MCM3: variants seen among roughly 807,000 people sequenced by gnomAD.
MCM3 encodes minichromosome maintenance complex component 3.
A neutral mutation model predicts 91.3 loss-of-function variants in MCM3; 59 were observed. The ratio of observed to expected loss-of-function variants is 0.65; its 90% CI spans 0.52 to 0.80. MCM3 has a LOEUF of 0.80. Ranked by LOEUF, MCM3 falls within the 30% of genes least tolerant of loss-of-function variation. MCM3 has a pLI of 0.00. For synonymous variants in MCM3, 383 were observed against 379.6 expected (o/e 1.01, Z -0.10); for missense variants, 919 against 1,035.4 (o/e 0.89, Z 1.54).
chr6:52,266,866 T>C (rs541110008), intron 14 of MCM3, among the ~76,000 whole-genome samples, 170 bp from the exon 15 acceptor site: 2 of 152,190 alleles, frequency 1.3e-5, no homozygotes, highest in East Asian at 3.9e-4. Context: ...CGAGACCAAG[T>C]CCCCAGACTA....
chr6:52,277,209 G>C lies in MCM3; in HGVS notation c.1034-11C>G. ...CAACGGATGGGTCTCCTGTAGGGTG[G>C]GGGCAGTGATGACTCTCTAGGAAAC... On this transcript the variant is annotated splice_polypyrimidine_tract_variant and intron_variant, in intron 7 of 16. Coordinates refer to ENST00000596288, the MANE Select transcript of MCM3 (RefSeq NM_002388.6). 1 of 1,609,862 alleles carries C rather than the reference G, an allele frequency of 6.2e-7. No individual in the cohort carries two copies.
At chr6:52,280,113 T>C (rs1403421558) in intron 4 of MCM3, among the ~76,000 whole-genome samples, 1 of 152,116 alleles carries the variant, frequency 6.6e-6, no homozygotes, top group Non-Finnish European at 1.5e-5. Context: ...ATGTTGAGCA[T>C]AAAAAGCCCA....
Position 52,276,393 on chromosome 6 carries a change from T to C in MCM3, c.1249A>G (p.Met417Val), listed in dbSNP as rs976415093. Residue 417 changes from methionine (M) to valine (V), a missense_variant, in exon 9 of 17, where the codon ATG (methionine) becomes GTG (valine). By Grantham distance (21) the Met-to-Val change is conservative (BLOSUM62 1). Around this residue, in one of 3 missense-constraint regions of MCM3, gnomAD observed 233 missense variants for 321.2 expected, o/e 0.73. Transcript: ENST00000596288. The part of the protein sequence containing the change: ...CIDEFDKMSD[M>V]DRTAIHEVME... ...ACTTCATGGATGGCTGTGCGATCCA[T>C]GTCAGACATTTTGTCAAATTCATCA... is the stretch of plus-strand genomic sequence containing the variant. The C allele has an allele frequency of 1.9e-6, 3 of 1,614,202 alleles. No individual in the cohort carries two copies. Among genetic ancestry groups the C allele is most frequent in the South Asian group, 1.1e-5 (1 of 91,068 alleles).
At chr6:52,269,890 G>T (rs1273137205) in intron 12 of MCM3, among the ~76,000 whole-genome samples, 2 of 152,196 alleles carry the variant, frequency 1.3e-5, no homozygotes, top group Non-Finnish European at 2.9e-5. Context: ...AAATCTCAGT[G>T]TTTAGGACTA....
In MCM3 at chr6:52,266,046, G is replaced by A. The variant is rs17246605; in HGVS notation, c.2228+29C>T. On this transcript the variant is annotated intron_variant, in intron 16 of 16. Transcript: ENST00000596288. ...TTCCTCAGCGATACACAGAATTCTT[G>A]AAGGGGCAGGAGCAACATCCGTACT... 4,623 of 1,603,910 alleles carry A rather than the reference G, an allele frequency of 2.9e-3. 114 individuals are homozygous for A. The African/African-American group carries it at 0.055, about 19-fold the overall frequency.
At position 52,267,885 on chromosome 6, in the gene MCM3, G is replaced by A. The variant is rs747222625; in HGVS notation, c.2052C>T (p.Asp684=). Residue 684 remains aspartate (D), a synonymous_variant, in exon 14 of 17, where the codon GAC becomes GAT. Coordinates refer to ENST00000596288, the MANE Select transcript of MCM3 (RefSeq NM_002388.6). The part of the protein sequence containing the change: ...TEDEEEKSQE[D]QEQKRKRRKT... ...CTTACCTCTTCCTCTTCTGCTCCTG[G>A]TCCTCTTGGCTTTTCTCCTCTTCAT... The A allele has an allele frequency of 1.6e-6, 2 of 1,245,678 alleles. No homozygotes were observed. The highest frequency in any genetic ancestry group is 1.5e-5 in the African/African-American group (1 of 67,300). The allele number at this position is 1,245,678 out of a possible 1,614,324, so 77.2% of individuals were successfully genotyped here. A position where few individuals can be genotyped will look rare whatever the true frequency, so the allele number is the denominator to read the frequency against.
chr6:52,273,198 T>C (rs972035429), intron 11 of MCM3, 32 bp downstream of exon 11: 1 of 1,613,656 alleles, frequency 6.2e-7, no homozygotes, highest in African/African-American at 1.3e-5. Flanking sequence ...ATATTTCAGG[T>C]TCCCTTGAGG....
At chr6:52,267,805 C>T (rs1764763738) in intron 14 of MCM3, 60 bp downstream of exon 14, 16 of 738,320 alleles carry the variant, frequency 2.2e-5, no homozygotes, top group Middle Eastern at 2.3e-4. Flanking sequence ...AGATTACAGG[C>T]GTGCACCCCC....
intron 14 of MCM3, 73 bp downstream of exon 14, chr6:52,267,792 C>T: frequency 2.8e-6 from 2 of 725,822 alleles, no homozygotes; most frequent in Non-Finnish European, 5.1e-6. Context: ...TCCCAAATTG[C>T]TAAGATTACA....
At chr6:52,278,576 GAACA>G (rs1765788834) in intron 6 of MCM3, among the ~76,000 whole-genome samples, 162 bp downstream of exon 6, 1 of 152,100 alleles carries the variant, frequency 6.6e-6, no homozygotes, top group Admixed American at 6.5e-5. Context: ...AATTACTAAA[GAACA>G]AACAGCAAAA....
intron 4 of MCM3, among the ~76,000 whole-genome samples, chr6:52,281,536 C>A (rs1019969116): frequency 3.3e-5 from 5 of 151,904 alleles, no homozygotes; most frequent in Non-Finnish European, 7.4e-5. Flanking sequence ...AAAAAATTAG[C>A]GGACCTGGTG....
In MCM3 at chr6:52,264,591, G is replaced by A; in HGVS notation, c.2424C>T (p.Ile808=). The change falls in exon 17 of 17, where the codon ATC becomes ATT. Residue 808 remains isoleucine, a synonymous_variant. Transcript: ENST00000596288. The stretch of plus-strand genomic sequence containing the variant: ...CAAGTTCAGAGACGAGGCCTCCTCA[G>A]ATGAGGAAGATGATGCCCTCAGACA... ...VMVSEGIIFL[I] is the part of the protein sequence containing the mutation. 2 of 1,613,842 alleles carry A rather than the reference G, an allele frequency of 1.2e-6. No individual in the cohort carries two copies. Among genetic ancestry groups the A allele is most frequent in the African/African-American group, 1.3e-5 (1 of 75,046 alleles).
At position 52,266,623 on chromosome 6, in the gene MCM3, C is replaced by CCT; in HGVS notation, c.2144_2145dup (p.Glu716ArgfsTer25). ...TGGGCTCACTCACCTTGAGGCATTT[C>CCT]CTCCTCTGTGTCACTGAAGTCATAG... On this transcript the variant is annotated frameshift_variant, in exon 15 of 17. Coordinates refer to ENST00000596288, the MANE Select transcript of MCM3 (RefSeq NM_002388.6). LOFTEE classifies it high-confidence loss of function. The CCT allele has an allele frequency of 1.2e-6, 2 of 1,614,070 alleles. No homozygotes were observed. Among genetic ancestry groups the CCT allele is most frequent in the Non-Finnish European group, 1.7e-6 (2 of 1,179,958 alleles).
intron 11 of MCM3, 97 bp downstream of exon 11, chr6:52,273,133 C>A: frequency 6.9e-7 from 1 of 1,446,902 alleles, no homozygotes. Context: ...TGGCTTTGAC[C>A]TGGGCATATA....
rs1050929272 is a variant in MCM3 at position 52,282,270 on chromosome 6, CTG to C, written c.401-97_401-96del. The C allele has an allele frequency of 3.4e-6, 4 of 1,172,430 alleles. No individual in the cohort carries two copies. The African/African-American group carries it at 6.1e-5, about 18-fold the overall frequency. 72.6% of individuals were successfully genotyped at this position (1,172,430 alleles called of 1,614,324 possible). A position where few individuals can be genotyped will look rare whatever the true frequency, so the allele number is the denominator to read the frequency against. ...TGCAAGCCTATAATGACTCCAAATACTGTGTTTTTTTGACTAGGTTACGATAT... is the reference window on the plus strand; with the variant it reads ...TGCAAGCCTATAATGACTCCAAATACTGTTTTTTTGACTAGGTTACGATAT... On this transcript the variant is annotated intron_variant, in intron 3 of 16. Transcript: ENST00000596288.
rs936306178 is a variant in MCM3, at chr6:52,276,036, T to A, written c.1374+232A>T. The A allele has an allele frequency of 1.1e-5, 6 of 534,816 alleles. No homozygotes were observed. In the East Asian group the frequency reaches 1.6e-4, roughly 14 times the overall value. 33.1% of individuals were successfully genotyped at this position (534,816 alleles called of 1,614,324 possible). Reference sequence around the variant, plus strand: ...GGTTAAATATGTTAAATGGACTGTTTAACTGTACTGTTAAAAAGTTACTTT... The same window carrying A: ...GGTTAAATATGTTAAATGGACTGTTAAACTGTACTGTTAAAAAGTTACTTT... On this transcript the variant is annotated intron_variant, in intron 9 of 16. Transcript: ENST00000596288.
In MCM3 at chr6:52,273,353, A is replaced by G; in HGVS notation, c.1553T>C (p.Met518Thr). The change falls in exon 11 of 17, where the codon ATG becomes ACG. Residue 518 changes from methionine (M) to threonine (T), a missense_variant. Coordinates refer to ENST00000596288, the MANE Select transcript of MCM3 (RefSeq NM_002388.6). The part of the protein sequence containing the change: ...RAPGEQDGDA[M>T]PLGSAVDILA... ...GATATCCACAGCACTACCCAAGGGCATAGCTGGTATACCCAAGTTAGGAGA... is the reference window on the plus strand; with the variant it reads ...GATATCCACAGCACTACCCAAGGGCGTAGCTGGTATACCCAAGTTAGGAGA... 6.2e-7 allele frequency: 1 copy of G among 1,614,186 alleles called. No individual in the cohort carries two copies. Among genetic ancestry groups the G allele is most frequent in the Middle Eastern group, 1.6e-4 (1 of 6,062 alleles).
In MCM3 at chr6:52,277,615, A is replaced by C. The variant is rs751988574; in HGVS notation, c.953T>G (p.Leu318Arg). The C allele has an allele frequency of 6.2e-7, 1 of 1,613,962 alleles. No homozygotes were observed. The highest frequency in any genetic ancestry group is 1.1e-5 in the South Asian group (1 of 91,080). ...TTCCACCCCTCCCAAGAGCAAGCAGAGGATTGCTTTCTTGACATAGTCATG... is the reference window on the plus strand; with the variant it reads ...TTCCACCCCTCCCAAGAGCAAGCAGCGGATTGCTTTCTTGACATAGTCATG... ...HGHDYVKKAILCLLLGGVERD... is the reference protein window; with the variant it reads ...HGHDYVKKAIRCLLLGGVERD... The change falls in exon 7 of 17, where the codon CTC becomes CGC. Residue 318 changes from leucine to arginine, a missense_variant. Leu to Arg is a moderately radical substitution (Grantham distance 102, BLOSUM62 -2). Transcript: ENST00000596288.
chr6:52,265,633 A>G (rs1764585240), intron 16 of MCM3, among the ~76,000 whole-genome samples: 1 of 152,112 alleles, frequency 6.6e-6, no homozygotes, highest in Admixed American at 6.6e-5. Flanking sequence ...AAAACGTAAA[A>G]CTTGGCTATG....
Sources: gnomAD v4.1 joint callset for allele counts (sites outside exome capture counted in the v4.1 genomes callset) on GRCh38, gnomAD v4.1.1 for gene constraint, gnomAD v4.1.1 regional missense constraint, MANE v1.5 for transcripts, NCBI Gene and HGNC (gene_info 2026-07-23, HGNC 2026-07-21) for gene names.